Variants in CSMD1 observed in about 807,000 individuals in gnomAD.
CSMD1 encodes the protein CUB and Sushi multiple domains 1, also known as CUB and sushi domain-containing protein 1.
In CSMD1, 213 loss-of-function variants were observed where a neutral mutation model predicts 417.5. The ratio of observed to expected loss-of-function variants is 0.51; its 90% CI spans 0.46 to 0.57. CSMD1 has a LOEUF of 0.57. Among genes scored for constraint, CSMD1 ranks in the 20% least tolerant of loss-of-function variants. CSMD1 has a pLI of 0.00. For synonymous variants in CSMD1, 2,862 were observed against 1,736.8 expected (o/e 1.65, Z -16.11); for missense variants, 6,923 against 4,529.7 (o/e 1.53, Z -15.17).
chr8:4,971,369 A>G (rs1365509810), intron 1 of CSMD1, among the ~76,000 whole-genome samples: 1 of 152,100 alleles, frequency 6.6e-6, no homozygotes, highest in Non-Finnish European at 1.5e-5. Flanking sequence ...GGTAAAATAG[A>G]AAATACTTAT....
At chr8:3,918,751 T>C (rs956449790) in intron 5 of CSMD1, among the ~76,000 whole-genome samples, 1 of 152,122 alleles carries the variant, frequency 6.6e-6, no homozygotes, top group East Asian at 1.9e-4. Context: ...TTAGAGACTA[T>C]TCTTCTAAGT....
chr8:3,967,487 G>C (rs1247122496), intron 5 of CSMD1, among the ~76,000 whole-genome samples: 1 of 151,446 alleles, frequency 6.6e-6, no homozygotes, highest in African/African-American at 2.4e-5. Context: ...GAAAGTTGTT[G>C]AAATACATGT....
chr8:4,579,440 C>G (rs113361231), intron 2 of CSMD1, among the ~76,000 whole-genome samples: 26,038 of 151,764 alleles, frequency 0.17, 2,212 homozygotes, highest in African/African-American at 0.18. Flanking sequence ...CTCAGTGCAA[C>G]CTCCGCCTCC....
chr8:3,114,817 G>C (rs1044681339), intron 42 of CSMD1, among the ~76,000 whole-genome samples: 3 of 152,024 alleles, frequency 2.0e-5, no homozygotes, highest in African/African-American at 7.2e-5. Context: ...ACATTGTTTA[G>C]CTGCTTGCAT....
chr8:3,355,516 G>A (rs1251240522), intron 21 of CSMD1, among the ~76,000 whole-genome samples: 1 of 152,150 alleles, frequency 6.6e-6, no homozygotes, highest in Non-Finnish European at 1.5e-5. Flanking sequence ...TCAGGAATAG[G>A]CATGGGACTC....
chr8:4,048,464 G>C (rs779648502), intron 3 of CSMD1, among the ~76,000 whole-genome samples: 1 of 152,090 alleles, frequency 6.6e-6, no homozygotes. Context: ...TTCTGCAGTA[G>C]CTACTATTAT....
chr8:4,604,410 T>TGTGCGCGCGC lies in CSMD1; in HGVS notation c.302+32931_302+32932insGCGCGCGCAC, dbSNP rs59349269. On this transcript the variant is annotated intron_variant, in intron 2 of 69. Coordinates refer to ENST00000635120, the MANE Select transcript of CSMD1 (RefSeq NM_033225.6). ...GTGTGTGTGTGTGTGTGTGTGTGTG[T>TGTGCGCGCGC]GCGCGTGCGTAAAGACTAGGATCTC... 1.7e-3 allele frequency among the ~76,000 whole-genome samples: 242 copies of TGTGCGCGCGC among 146,228 alleles called. 1 individual carries two copies. The highest frequency in any genetic ancestry group is 3.1e-3 in the African/African-American group (125 of 39,884).
chr8:4,442,939 C>A (rs749201570), intron 2 of CSMD1, among the ~76,000 whole-genome samples: 1 of 152,108 alleles, frequency 6.6e-6, no homozygotes, highest in South Asian at 2.1e-4. Flanking sequence ...TGTCCCTCAA[C>A]GTAATGTATC....
intron 2 of CSMD1, among the ~76,000 whole-genome samples, chr8:4,582,085 G>A (rs2725070): frequency 6.6e-6 from 1 of 150,478 alleles, no homozygotes; most frequent in Non-Finnish European, 1.5e-5. Flanking sequence ...TTTTTTTTTG[G>A]TTTGTTTTGT....
At chr8:4,752,382 G>C (rs1585044085) in intron 1 of CSMD1, among the ~76,000 whole-genome samples, 1 of 152,142 alleles carries the variant, frequency 6.6e-6, no homozygotes, top group Non-Finnish European at 1.5e-5. Context: ...TGAAACAAAA[G>C]CTCTGAATTT....
At chr8:4,678,912 A>G (rs1218059221) in intron 1 of CSMD1, among the ~76,000 whole-genome samples, 2 of 152,216 alleles carry the variant, frequency 1.3e-5, no homozygotes, top group Non-Finnish European at 2.9e-5. Context: ...TTGACAAACA[A>G]ATAGATTGTA....
In CSMD1 at chr8:3,493,665, C is replaced by G. The variant is rs1183224121; in HGVS notation, c.1406G>C (p.Gly469Ala). Residue 469 changes from glycine (G) to alanine (A), a missense_variant, in exon 11 of 70, where the codon GGT becomes GCT. Gly to Ala is a moderately conservative substitution (Grantham distance 60). Coordinates refer to ENST00000635120, the MANE Select transcript of CSMD1 (RefSeq NM_033225.6). ...LERGYDTLTV[G>A]DAGKVGDTRS... Reference sequence around the variant, plus strand: ...GGTGTCTCCCACCTTCCCAGCATCACCAACCGTCAGGGTGTCATAGCCTCG... The same window carrying G: ...GGTGTCTCCCACCTTCCCAGCATCAGCAACCGTCAGGGTGTCATAGCCTCG... The G allele has an allele frequency of 6.2e-7, 1 of 1,612,412 alleles. No individual in the cohort carries two copies. Among genetic ancestry groups the G allele is most frequent in the Non-Finnish European group, 8.5e-7 (1 of 1,179,340 alleles).
intron 3 of CSMD1, among the ~76,000 whole-genome samples, chr8:4,032,598 G>C (rs13269543): frequency 0.12 from 18,243 of 152,190 alleles, 1,442 homozygotes; most frequent in South Asian, 0.23. Context: ...ACATTTGATG[G>C]ATAAGCAATT....
intron 1 of CSMD1, among the ~76,000 whole-genome samples, chr8:4,841,996 A>T (rs1437002213): frequency 6.7e-6 from 1 of 149,520 alleles, no homozygotes; most frequent in Non-Finnish European, 1.5e-5. Flanking sequence ...TCTAATTGAT[A>T]GGGAAACCCT....
intron 4 of CSMD1, among the ~76,000 whole-genome samples, chr8:4,026,995 C>G (rs965885486): frequency 1.3e-5 from 2 of 152,188 alleles, no homozygotes; most frequent in Non-Finnish European, 1.5e-5. Context: ...TGTAGTCCCA[C>G]TATGACAGAT....
chr8:4,414,114 T>G (rs1796798612), intron 3 of CSMD1, among the ~76,000 whole-genome samples: 1 of 152,168 alleles, frequency 6.6e-6, no homozygotes, highest in Non-Finnish European at 1.5e-5. Context: ...GGTTATCACT[T>G]CAAGGGAGAA....
chr8:3,067,070 T>A (rs1812981621), intron 49 of CSMD1, among the ~76,000 whole-genome samples: 1 of 152,076 alleles, frequency 6.6e-6, no homozygotes, highest in Non-Finnish European at 1.5e-5. Flanking sequence ...TGCCAGGTGC[T>A]AAGCCTGGGG....
chr8:3,549,268 G>A (rs547192676), intron 10 of CSMD1, among the ~76,000 whole-genome samples: 111 of 152,336 alleles, frequency 7.3e-4, no homozygotes, highest in African/African-American at 2.4e-3. Flanking sequence ...GGCGAAGTGT[G>A]CCAGTGACTG....
intron 5 of CSMD1, among the ~76,000 whole-genome samples, chr8:3,800,619 C>G (rs1264511048): frequency 6.6e-6 from 1 of 152,086 alleles, no homozygotes; most frequent in African/African-American, 2.4e-5. Context: ...AGTGTTGGGC[C>G]TAGAAGAGGT....
Sources: allele counts gnomAD v4.1 joint callset (sites outside exome capture counted in the v4.1 genomes callset), GRCh38; gene constraint gnomAD v4.1.1; transcripts MANE v1.5; gene names NCBI Gene and HGNC (gene_info 2026-07-23, HGNC 2026-07-21).